CCDC178: variants seen among roughly 807,000 people sequenced by gnomAD.
CCDC178 encodes the protein coiled-coil domain containing 178.
Under a neutral mutation model 117.4 loss-of-function variants are expected in CCDC178, and 126 were observed. That is an observed-to-expected ratio of 1.07 (90% CI 0.93 to 1.24). CCDC178 has a LOEUF of 1.24. Among genes scored for constraint, CCDC178 ranks in the 50% most tolerant of loss-of-function variants. The pLI is 0.00. For missense variants in CCDC178, 1,030 were observed against 986.9 expected (o/e 1.04, Z -0.59); for synonymous variants, 283 against 313.4 (o/e 0.90, Z 1.02).
chr18:33,425,013 T>A (rs906053658), intron 2 of CCDC178, among the ~76,000 whole-genome samples: 1 of 152,152 alleles, frequency 6.6e-6, no homozygotes, highest in Admixed American at 6.5e-5. Flanking sequence ...AAAACCTAGA[T>A]GACTGATTGA....
At chr18:33,140,040 G>A (rs2058180942) in intron 20 of CCDC178, among the ~76,000 whole-genome samples, 1 of 152,212 alleles carries the variant, frequency 6.6e-6, no homozygotes, top group African/African-American at 2.4e-5. Flanking sequence ...TGGCTTCAGA[G>A]GGTGCAAGCC....
chr18:32,993,690 T>C (rs1453266937), intron 21 of CCDC178, among the ~76,000 whole-genome samples: 5 of 152,238 alleles, frequency 3.3e-5, no homozygotes, highest in Admixed American at 1.3e-4. Flanking sequence ...TTGTAGTTGG[T>C]TGTATATGTG....
chr18:33,054,721 G>T (rs1243414898), intron 21 of CCDC178, among the ~76,000 whole-genome samples: 3 of 152,200 alleles, frequency 2.0e-5, no homozygotes, highest in Non-Finnish European at 4.4e-5. Flanking sequence ...GAAGAGTGCT[G>T]CAGTGAACAT....
intron 10 of CCDC178, among the ~76,000 whole-genome samples, chr18:33,328,473 A>G (rs957036263): frequency 2.0e-5 from 3 of 151,988 alleles, no homozygotes; most frequent in Non-Finnish European, 2.9e-5. Context: ...TTTTGAGTTA[A>G]TGTTTATATG....
intron 9 of CCDC178, among the ~76,000 whole-genome samples, chr18:33,336,854 C>A (rs1249391457): frequency 1.3e-5 from 2 of 152,016 alleles, no homozygotes; most frequent in Non-Finnish European, 2.9e-5. Context: ...GTTCTTTTTG[C>A]TTAGTCTTGC....
chr18:33,298,778 C>T (rs1444860916), intron 11 of CCDC178, among the ~76,000 whole-genome samples: 1 of 152,082 alleles, frequency 6.6e-6, no homozygotes, highest in Non-Finnish European at 1.5e-5. Context: ...TAAATGAATT[C>T]AGTAAAGTTG....
intron 20 of CCDC178, among the ~76,000 whole-genome samples, chr18:33,128,557 C>T (rs1366705959): frequency 6.6e-6 from 1 of 152,128 alleles, no homozygotes; most frequent in East Asian, 1.9e-4. Flanking sequence ...GAGGATGAAT[C>T]AACCAAGAAT....
At chr18:33,122,177 A>C (rs767875126) in intron 20 of CCDC178, among the ~76,000 whole-genome samples, 1 of 152,184 alleles carries the variant, frequency 6.6e-6, no homozygotes, top group Non-Finnish European at 1.5e-5. Context: ...TACATTTTGC[A>C]AAAAGCTAAA....
chr18:33,316,060 G>T (rs1012874362), intron 11 of CCDC178, among the ~76,000 whole-genome samples: 2 of 152,176 alleles, frequency 1.3e-5, no homozygotes, highest in African/African-American at 4.8e-5. Flanking sequence ...AGGTGACAGC[G>T]TGCTGGCAGT....
chr18:33,343,505 G>A (rs552053218), intron 9 of CCDC178, among the ~76,000 whole-genome samples: 1 of 152,256 alleles, frequency 6.6e-6, no homozygotes, highest in East Asian at 1.9e-4. Flanking sequence ...TGGAGAGTGG[G>A]GCAGTCAGTG....
chr18:33,357,835 CATGT>C (rs1300294506), intron 6 of CCDC178, among the ~76,000 whole-genome samples: 15 of 3,778 alleles, frequency 4.0e-3, no homozygotes, highest in African/African-American at 0.017. Flanking sequence ...TATGTGTATG[CATGT>C]GTGTGTGTGT....
At chr18:33,396,604 A>C (rs988875807) in intron 4 of CCDC178, among the ~76,000 whole-genome samples, 4 of 152,204 alleles carry the variant, frequency 2.6e-5, no homozygotes, top group Non-Finnish European at 5.9e-5. Flanking sequence ...AAAGATAACA[A>C]GTAATGTTGA....
chr18:33,115,755 T>C (rs1311522381), intron 20 of CCDC178, among the ~76,000 whole-genome samples: 2 of 152,044 alleles, frequency 1.3e-5, no homozygotes, highest in African/African-American at 2.4e-5. Flanking sequence ...AGACCCCAGA[T>C]GTGCTCCTGC....
chr18:33,111,307 A>G (rs2057779093), intron 20 of CCDC178, among the ~76,000 whole-genome samples: 1 of 151,554 alleles, frequency 6.6e-6, no homozygotes, highest in African/African-American at 2.4e-5. Context: ...CCTTTGGGTT[A>G]TCTATGTACA....
At chr18:32,993,442 A>G (rs1367474210) in intron 21 of CCDC178, among the ~76,000 whole-genome samples, 1 of 150,394 alleles carries the variant, frequency 6.6e-6, no homozygotes, top group Non-Finnish European at 1.5e-5. Flanking sequence ...TACAAATAAG[A>G]TTGCAAAACT....
intron 21 of CCDC178, among the ~76,000 whole-genome samples, chr18:32,988,390 C>T (rs1448051203): frequency 1.3e-5 from 2 of 151,740 alleles, no homozygotes; most frequent in East Asian, 1.9e-4. Flanking sequence ...GAGCCGAGAT[C>T]GTGCCACTGC....
chr18:33,003,409 A>T (rs2055682585), intron 21 of CCDC178, among the ~76,000 whole-genome samples: 1 of 152,198 alleles, frequency 6.6e-6, no homozygotes, highest in Non-Finnish European at 1.5e-5. Context: ...GTGATACATC[A>T]TGTCAACAGA....
At chr18:33,011,883 G>GGCT (rs954437493) in intron 21 of CCDC178, among the ~76,000 whole-genome samples, 5 of 150,608 alleles carry the variant, frequency 3.3e-5, no homozygotes, top group African/African-American at 1.2e-4. Flanking sequence ...GGTTACGGTG[G>GGCT]GCTGCAGTGA....
intron 5 of CCDC178, among the ~76,000 whole-genome samples, chr18:33,387,120 C>T (rs1185878136): frequency 3.3e-5 from 5 of 151,250 alleles, no homozygotes; most frequent in South Asian, 2.1e-4. Context: ...TTTACAATTG[C>T]CACAAAATAC....
Sources: gnomAD v4.1 joint callset for allele counts (sites outside exome capture counted in the v4.1 genomes callset) on GRCh38, gnomAD v4.1.1 for gene constraint, MANE v1.5 for transcripts, NCBI Gene and HGNC (gene_info 2026-07-23, HGNC 2026-07-21) for gene names.